The following MTHFS variants were observed in gnomAD, a reference collection of about 807,000 sequenced individuals.
MTHFS encodes 5-formyltetrahydrofolate cyclo-ligase.
In MTHFS, 7 loss-of-function variants were observed where a neutral mutation model predicts 12.7. The observed-to-expected ratio is 0.55, with a 90% confidence interval of 0.31 to 1.03. MTHFS has a LOEUF of 1.03. Among genes scored for constraint, MTHFS ranks in the 50% least tolerant of loss-of-function variants. MTHFS has a pLI of 0.05. For synonymous variants in MTHFS, 100 were observed against 97.1 expected, an observed-to-expected ratio of 1.03 and a Z score of -0.18; for missense variants, 252 against 258.1, an observed-to-expected ratio of 0.98 and a Z score of 0.16.
intron 2 of MTHFS, among the ~76,000 whole-genome samples, chr15:79,855,637 T>C (rs1297436286): frequency 6.6e-6 from 1 of 152,136 alleles, no homozygotes; most frequent in Non-Finnish European, 1.5e-5. Flanking sequence ...TAGTACCCAA[T>C]AGGTACTTTT....
chr15:79,847,843 A>G (rs1310285897), intron 2 of MTHFS, among the ~76,000 whole-genome samples: 1 of 152,248 alleles, frequency 6.6e-6, no homozygotes, highest in Admixed American at 6.5e-5. Flanking sequence ...TCCAAAAAAT[A>G]GAAAACCACA....
At chr15:79,889,423 C>A in intron 1 of MTHFS, 69 bp from the exon 2 acceptor site, 1 of 1,433,462 alleles carries the variant, frequency 7.0e-7, no homozygotes, top group East Asian at 2.5e-5. Flanking sequence ...ACAATTCCTC[C>A]TTTCTCTCTC....
At chr15:79,896,804 G>C in intron 1 of MTHFS, 68 bp downstream of exon 1, 4 of 1,519,756 alleles carry the variant, frequency 2.6e-6, no homozygotes, top group Non-Finnish European at 3.5e-6. Flanking sequence ...GCACAGATCA[G>C]CAATCGCTGG....
Position 79,845,055 on chromosome 15 carries a change from G to A in MTHFS, c.*155C>T, listed in dbSNP as rs1280110085. 5.0e-6 allele frequency: 5 copies of A among 996,106 alleles called. No homozygotes were observed. In the South Asian group the frequency reaches 7.1e-5, roughly 14 times the overall value. The allele number at this position is 996,106 out of a possible 1,614,324, so 61.7% of individuals were successfully genotyped here. Reference sequence around the variant, plus strand: ...CACACTTCTATTGGTTTTTAAAGATGGTTTTATATAAGGTATTTCATAATT... The same window carrying A: ...CACACTTCTATTGGTTTTTAAAGATAGTTTTATATAAGGTATTTCATAATT... On this transcript the variant is annotated 3_prime_UTR_variant, in exon 3 of 3. Coordinates refer to ENST00000258874, the MANE Select transcript of MTHFS (RefSeq NM_006441.4).
chr15:79,895,843 T>C (rs1448525619), intron 1 of MTHFS, among the ~76,000 whole-genome samples: 1 of 152,178 alleles, frequency 6.6e-6, no homozygotes, highest in Non-Finnish European at 1.5e-5. Context: ...CCAAGGAACA[T>C]CAAGTTTCCA....
chr15:79,889,656 G>C lies in MTHFS; in HGVS notation c.118-302C>G, dbSNP rs138101727. ...AAGCTGTCTATCCAGAGAATTCCAG[G>C]CTTGATCCCCACCTATCCATTTTAG... On this transcript the variant is annotated intron_variant, in intron 1 of 2. Transcript: ENST00000258874. 3.3e-3 allele frequency among the ~76,000 whole-genome samples: 500 copies of C among 152,104 alleles called. 3 individuals are homozygous for C. The highest frequency in any genetic ancestry group is 0.012 in the African/African-American group (484 of 41,470).
At chr15:79,849,831 G>A (rs188357315) in intron 2 of MTHFS, among the ~76,000 whole-genome samples, 9 of 152,272 alleles carry the variant, frequency 5.9e-5, no homozygotes, top group East Asian at 3.9e-4. Flanking sequence ...TCCAGGCTTC[G>A]CTACCTTTCC....
intron 2 of MTHFS, among the ~76,000 whole-genome samples, chr15:79,864,201 T>C (rs2033965144): frequency 6.6e-6 from 1 of 152,170 alleles, no homozygotes; most frequent in Non-Finnish European, 1.5e-5. Context: ...TAGCACTTAG[T>C]AGACAAAGGG....
chr15:79,857,593 T>C (rs1381204251), intron 2 of MTHFS, among the ~76,000 whole-genome samples: 4 of 152,214 alleles, frequency 2.6e-5, no homozygotes, highest in South Asian at 4.1e-4. Context: ...AAGTAACCTA[T>C]TACTTTGAAA....
intron 2 of MTHFS, among the ~76,000 whole-genome samples, chr15:79,857,210 C>T (rs763110124): frequency 3.3e-5 from 5 of 152,064 alleles, no homozygotes; most frequent in African/African-American, 7.2e-5. Context: ...GTTGGCCAGG[C>T]TGGTCTCGAA....
At chr15:79,851,096 C>T (rs1019531842) in intron 2 of MTHFS, among the ~76,000 whole-genome samples, 1 of 152,172 alleles carries the variant, frequency 6.6e-6, no homozygotes, top group Non-Finnish European at 1.5e-5. Flanking sequence ...CCTATCTGCA[C>T]ACCTTTGCTC....
chr15:79,883,721 C>T (rs544135340), intron 2 of MTHFS, among the ~76,000 whole-genome samples: 2 of 152,206 alleles, frequency 1.3e-5, no homozygotes, highest in South Asian at 4.2e-4. Flanking sequence ...ATCCTCTCAA[C>T]AACACAATTA....
chr15:79,846,581 C>G (rs2033619263), intron 2 of MTHFS, among the ~76,000 whole-genome samples: 1 of 152,186 alleles, frequency 6.6e-6, no homozygotes, highest in African/African-American at 2.4e-5. Context: ...CTCTAGCTCC[C>G]AGCATACACC....
chr15:79,845,529 ATTCT>A, intron 2 of MTHFS, 87 bp from the exon 3 acceptor site: 1 of 1,482,858 alleles, frequency 6.7e-7, no homozygotes, highest in Non-Finnish European at 9.1e-7. Flanking sequence ...AATGACATCA[ATTCT>A]TTCTCTGATT....
At chr15:79,875,827 T>C (rs1299792341) in intron 2 of MTHFS, 1 of 151,952 alleles carries the variant, frequency 6.6e-6, no homozygotes, top group Non-Finnish European at 1.5e-5. Flanking sequence ...AAGGAACTTA[T>C]TATCCAGAAC....
rs192920344 is a variant in MTHFS at position 79,889,114 on chromosome 15, G to A, written c.358C>T (p.Arg120Trp). The part of the protein sequence containing the change: ...NIPQPGEGDV[R>W]EEALSTGGLD... ...TCACCTGTGGACAAGGCCTCCTCCC[G>A]AACATCACCCTCACCAGGCTGAGGG... The change falls in exon 2 of 3, where the codon CGG becomes TGG. Residue 120 changes from arginine to tryptophan, a missense_variant. Physicochemically the swap from Arg to Trp is moderately radical, Grantham distance 101 (BLOSUM62 -3). Coordinates refer to ENST00000258874, the MANE Select transcript of MTHFS (RefSeq NM_006441.4). 32 of 1,614,092 alleles carry A rather than the reference G, an allele frequency of 2.0e-5. No individual in the cohort carries two copies. The highest frequency in any genetic ancestry group is 5.0e-5 in the Admixed American group (3 of 60,012).
intron 2 of MTHFS, chr15:79,876,437 C>A (rs1378611346): frequency 6.8e-6 from 1 of 148,062 alleles, no homozygotes; most frequent in African/African-American, 2.5e-5. Context: ...ATGGTGAAAC[C>A]CGGTCTCCAC....
At position 79,894,112 on chromosome 15, in the gene MTHFS, C is replaced by T. The variant is rs191581203; in HGVS notation, c.117+2760G>A. Among the ~76,000 whole-genome samples, 237 of 152,244 alleles carry T rather than the reference C, an allele frequency of 1.6e-3. 1 individual carries two copies. The highest frequency in any genetic ancestry group is 0.01 in the Middle Eastern group (3 of 294). Reference sequence around the variant, plus strand: ...AAAATATTAAAGTTCGAGCCAGGCACAGTGGCTCACGCCTGTAATCCCAGC... The same window carrying T: ...AAAATATTAAAGTTCGAGCCAGGCATAGTGGCTCACGCCTGTAATCCCAGC... On this transcript the variant is annotated intron_variant, in intron 1 of 2. Transcript: ENST00000258874.
At chr15:79,867,187 T>C (rs1336127454) in intron 2 of MTHFS, among the ~76,000 whole-genome samples, 1 of 152,176 alleles carries the variant, frequency 6.6e-6, no homozygotes, top group Non-Finnish European at 1.5e-5. Context: ...TTCAGGTATA[T>C]TGTCAGAGCT....
Sources: allele counts gnomAD v4.1 joint callset (sites outside exome capture counted in the v4.1 genomes callset), GRCh38; gene constraint gnomAD v4.1.1; transcripts MANE v1.5; gene names NCBI Gene and HGNC (gene_info 2026-07-23, HGNC 2026-07-21).